SV2C: variants seen among roughly 807,000 people sequenced by gnomAD.
SV2C encodes the protein solute carrier family 22 member B3.
In SV2C, 49 loss-of-function variants were observed where a neutral mutation model predicts 79.7. That is an observed-to-expected ratio of 0.61 (90% CI 0.49 to 0.78). SV2C has a LOEUF of 0.78. Among genes scored for constraint, SV2C ranks in the 30% least tolerant of loss-of-function variants. The pLI, the probability that SV2C is intolerant of heterozygous loss-of-function variation, is 0.00. For synonymous variants in SV2C, 334 were observed against 333.2 expected (o/e 1.00, Z -0.03); for missense variants, 833 against 912.9 (o/e 0.91, Z 1.13).
the SV2C span, among the ~76,000 whole-genome samples, chr5:75,956,726 A>T: frequency 6.6e-6 from 1 of 151,860 alleles, no homozygotes; most frequent in Non-Finnish European, 1.5e-5. Context: ...TAACAACAGA[A>T]ATGTTGATAT....
the SV2C span, among the ~76,000 whole-genome samples, chr5:75,952,246 T>TTTTC: frequency 8.2e-6 from 1 of 121,892 alleles, no homozygotes; most frequent in Non-Finnish European, 1.7e-5. Context: ...TTCTCCTGCA[T>TTTTC]TTTCCTTCCT....
chr5:76,288,456 T>A (rs1335276635), intron 6 of SV2C, among the ~76,000 whole-genome samples: 1 of 152,128 alleles, frequency 6.6e-6, no homozygotes, highest in Non-Finnish European at 1.5e-5. Context: ...TTCTTTTGAG[T>A]AGATATACAA....
rs1406572356 is a variant in SV2C at position 76,194,922 on chromosome 5, G to C, written c.584G>C (p.Ser195Thr). 2 of 1,613,916 alleles carry C rather than the reference G, an allele frequency of 1.2e-6. No individual in the cohort carries two copies. Among genetic ancestry groups the C allele is most frequent in the Non-Finnish European group, 1.7e-6 (2 of 1,179,912 alleles). Reference sequence around the variant, plus strand: ...CTTTGTTTTCTGTGTGTTGCAGGCAGCATAGTGTACCTCGGGATGATGGTG... The same window carrying C: ...CTTTGTTTTCTGTGTGTTGCAGGCACCATAGTGTACCTCGGGATGATGGTG... ...IPNSGSGWLG[S>T]IVYLGMMVGA... The change falls in exon 3 of 13, where the codon AGC becomes ACC. Residue 195 changes from serine to threonine, a missense_variant. By Grantham distance (58) the Ser-to-Thr change is moderately conservative. Coordinates refer to ENST00000502798, the MANE Select transcript of SV2C (RefSeq NM_014979.4).
intron 4 of SV2C, among the ~76,000 whole-genome samples, chr5:76,282,321 A>G (rs1747222679): frequency 6.6e-6 from 1 of 152,270 alleles, no homozygotes; most frequent in Non-Finnish European, 1.5e-5. Flanking sequence ...CAGACTATGG[A>G]GGATTCACCC....
At chr5:75,903,017 G>T in the SV2C span, among the ~76,000 whole-genome samples, 60 of 152,256 alleles carry the variant, frequency 3.9e-4, no homozygotes, top group South Asian at 4.1e-4. Flanking sequence ...CTGTGAGATG[G>T]ATTCTTGTTT....
the SV2C span, among the ~76,000 whole-genome samples, chr5:75,891,547 A>T: frequency 6.6e-6 from 1 of 152,110 alleles, no homozygotes; most frequent in Non-Finnish European, 1.5e-5. Context: ...TTATCTTAAC[A>T]TTTTTGAATA....
chr5:75,884,438 A>G, the SV2C span, among the ~76,000 whole-genome samples: 2 of 152,186 alleles, frequency 1.3e-5, no homozygotes, highest in African/African-American at 4.8e-5. Flanking sequence ...ATCCTACAGA[A>G]GCAACATCAT....
At chr5:76,232,413 C>T (rs201049415) in intron 4 of SV2C, among the ~76,000 whole-genome samples, 2 of 147,422 alleles carry the variant, frequency 1.4e-5, no homozygotes, top group African/African-American at 5.2e-5. Context: ...ATGGTAGTTT[C>T]TTTTGCTGTG....
chr5:76,252,993 ATT>A (rs1746159288), intron 4 of SV2C, among the ~76,000 whole-genome samples: 2 of 152,228 alleles, frequency 1.3e-5, no homozygotes, highest in African/African-American at 4.8e-5. Flanking sequence ...TGTAATACAT[ATT>A]GTTATATTGA....
chr5:76,101,456 T>C (rs1426851515), intron 1 of SV2C, among the ~76,000 whole-genome samples: 2 of 152,170 alleles, frequency 1.3e-5, no homozygotes, highest in African/African-American at 2.4e-5. Context: ...GTATTTATCA[T>C]GTCTCTTGAG....
the SV2C span, among the ~76,000 whole-genome samples, chr5:76,039,682 A>G: frequency 3.3e-5 from 5 of 151,636 alleles, no homozygotes; most frequent in Non-Finnish European, 7.4e-5. Flanking sequence ...CTTGAACCCA[A>G]AAGGCAGAGG....
exon 13 of SV2C, chr5:76,353,398 C>G (rs1235788444): frequency 5.0e-6 from 1 of 198,208 alleles, no homozygotes; most frequent in Non-Finnish European, 1.1e-5. Context: ...ACCAAGTCAA[C>G]AAGTGTGAAC....
At position 76,330,606 on chromosome 5, in the gene SV2C, T is replaced by C. The variant is rs951384465; in HGVS notation, c.*5059T>C. 1.1e-4 allele frequency: 16 copies of C among 142,992 alleles called. No individual in the cohort carries two copies. The highest frequency in any genetic ancestry group is 3.0e-5 in the Non-Finnish European group (2 of 66,924). 8.9% of individuals were successfully genotyped at this position (142,992 alleles called of 1,614,324 possible). A position where few individuals can be genotyped will look rare whatever the true frequency, so the allele number is the denominator to read the frequency against. ...GTTATTTTTCCACATTTAAAACAAA[T>C]AATAGCCTTCAGCAGGCAGTGCAGG... On this transcript the variant is annotated 3_prime_UTR_variant, in exon 13 of 13. Coordinates refer to ENST00000502798, the MANE Select transcript of SV2C (RefSeq NM_014979.4).
chr5:75,862,001 G>A, the SV2C span, among the ~76,000 whole-genome samples: 11 of 152,044 alleles, frequency 7.2e-5, no homozygotes, highest in East Asian at 2.1e-3. Context: ...AAAGAGAGTG[G>A]GATTGAATAA....
chr5:76,335,916 C>G (rs1354286497), downstream of SV2C, among the ~76,000 whole-genome samples: 1 of 152,206 alleles, frequency 6.6e-6, no homozygotes, highest in Non-Finnish European at 1.5e-5. Context: ...CATCATGGCC[C>G]GTTCTCAATG....
intron 2 of SV2C, among the ~76,000 whole-genome samples, chr5:76,133,290 A>G (rs1009139484): frequency 1.3e-5 from 2 of 152,246 alleles, no homozygotes; most frequent in Non-Finnish European, 2.9e-5. Context: ...TTCAGAGTCT[A>G]TGAAAGAAAG....
the SV2C span, among the ~76,000 whole-genome samples, chr5:76,025,735 A>C: frequency 6.6e-6 from 1 of 152,158 alleles, no homozygotes; most frequent in Non-Finnish European, 1.5e-5. Flanking sequence ...GTTTAATAGC[A>C]CATTGAGAAA....
At chr5:75,981,549 C>T in the SV2C span, among the ~76,000 whole-genome samples, 2 of 151,972 alleles carry the variant, frequency 1.3e-5, no homozygotes, top group African/African-American at 4.8e-5. Context: ...ATAAAGAACC[C>T]GGAAATAAGA....
intron 4 of SV2C, among the ~76,000 whole-genome samples, chr5:76,245,232 T>C (rs1045713718): frequency 5.3e-5 from 8 of 152,190 alleles, no homozygotes; most frequent in Non-Finnish European, 7.3e-5. Flanking sequence ...AATGCCAGAT[T>C]CCCAATAAAT....
Sources: allele counts gnomAD v4.1 joint callset (sites outside exome capture counted in the v4.1 genomes callset), GRCh38; gene constraint gnomAD v4.1.1; transcripts MANE v1.5; gene names NCBI Gene and HGNC (gene_info 2026-07-23, HGNC 2026-07-21).